Variants in FGF2 observed in about 807,000 individuals in gnomAD.
FGF2 encodes the protein fibroblast growth factor 2.
In FGF2, 13 loss-of-function variants were observed where a neutral mutation model predicts 15.9. The ratio of observed to expected loss-of-function variants is 0.82; its 90% CI spans 0.53 to 1.30. The LOEUF is 1.30. FGF2 is among the 50% of genes most tolerant of loss of function. FGF2 has a pLI of 0.00. For synonymous variants in FGF2, 90 were observed against 78.4 expected (o/e 1.15, Z -0.78); for missense variants, 163 against 196.9 (o/e 0.83, Z 1.03).
intron 1 of FGF2, among the ~76,000 whole-genome samples, chr4:122,843,592 A>T (rs1184699111): frequency 1.2e-4 from 19 of 152,132 alleles, no homozygotes; most frequent in Non-Finnish European, 5.9e-5. Flanking sequence ...AGAAATGTAA[A>T]TCTCTCTCAG....
At chr4:122,838,767 A>T (rs1725917006) in intron 1 of FGF2, among the ~76,000 whole-genome samples, 1 of 152,210 alleles carries the variant, frequency 6.6e-6, no homozygotes, top group African/African-American at 2.4e-5. Context: ...GTCATGATTT[A>T]GTATGAGACA....
chr4:122,896,148 T>C lies in FGF2; in HGVS notation c.*3752T>C, dbSNP rs112821043. ...ACATGACTGAGGCATATATGATCTC[T>C]GGGTAGGTGAGTTGTTGTGACAACC... On this transcript the variant is annotated 3_prime_UTR_variant, in exon 3 of 3. Coordinates refer to ENST00000644866, the MANE Select transcript of FGF2 (RefSeq NM_001361665.2). 37 of 152,556 alleles carry C rather than the reference T, an allele frequency of 2.4e-4. No individual in the cohort carries two copies. Among genetic ancestry groups the C allele is most frequent in the Non-Finnish European group, 4.0e-4 (27 of 67,982 alleles). The allele number at this position is 152,556 out of a possible 1,614,324, so 9.5% of individuals were successfully genotyped here.
At chr4:122,882,172 A>G (rs1726972200) in intron 2 of FGF2, 2 of 152,146 alleles carry the variant, frequency 1.3e-5, no homozygotes, top group African/African-American at 4.8e-5. Context: ...GCACAGCCAA[A>G]CCATATAACC....
chr4:122,861,876 G>A (rs308380), intron 1 of FGF2, among the ~76,000 whole-genome samples: 17,633 of 151,920 alleles, frequency 0.12, 2,538 homozygotes, highest in African/African-American at 0.34. Context: ...TTTTGTTCCC[G>A]TTCTTTCTTT....
intron 1 of FGF2, among the ~76,000 whole-genome samples, chr4:122,873,830 AATGGAAAC>A (rs150569047): frequency 0.062 from 9,433 of 152,232 alleles, 716 homozygotes; most frequent in African/African-American, 0.18. Context: ...ATTATATGCC[AATGGAAAC>A]ACTCTTCAAG....
At chr4:122,854,631 A>G (rs936661976) in intron 1 of FGF2, among the ~76,000 whole-genome samples, 1 of 152,096 alleles carries the variant, frequency 6.6e-6, no homozygotes, top group East Asian at 1.9e-4. Context: ...CCAACTTCCT[A>G]CTAAGTCCAC....
rs1299493726 is a variant in FGF2 at position 122,832,813 on chromosome 4, C to T, written c.178+5461C>T. 2.0e-5 allele frequency among the ~76,000 whole-genome samples: 3 copies of T among 152,138 alleles called. No homozygotes were observed. In the East Asian group the frequency reaches 5.8e-4, roughly 29 times the overall value. ...ATTTTAAGTGTTTCCTTGTTGTATC[C>T]ACTGTTCAGTTAGCTCCTGCTTTCT... is the stretch of plus-strand genomic sequence containing the variant. On this transcript the variant is annotated intron_variant, in intron 1 of 2. Coordinates refer to ENST00000644866, the MANE Select transcript of FGF2 (RefSeq NM_001361665.2).
intron 2 of FGF2, among the ~76,000 whole-genome samples, chr4:122,888,313 A>G (rs558991228): frequency 6.6e-6 from 1 of 152,248 alleles, no homozygotes; most frequent in Non-Finnish European, 1.5e-5. Flanking sequence ...CTGAACCTTC[A>G]TTCTCTCTGC....
At chr4:122,866,074 A>G (rs928540688) in intron 1 of FGF2, among the ~76,000 whole-genome samples, 70 of 152,324 alleles carry the variant, frequency 4.6e-4, no homozygotes, top group African/African-American at 1.6e-3. Context: ...GACAACATCA[A>G]GAAAGTGAAA....
intron 1 of FGF2, among the ~76,000 whole-genome samples, chr4:122,860,972 A>C (rs1441057147): frequency 6.6e-6 from 1 of 152,148 alleles, no homozygotes; most frequent in Non-Finnish European, 1.5e-5. Flanking sequence ...ACTGTTAGAT[A>C]CCTTAGTTTC....
At chr4:122,837,380 C>T (rs532269872) in intron 1 of FGF2, among the ~76,000 whole-genome samples, 4 of 152,110 alleles carry the variant, frequency 2.6e-5, no homozygotes, top group Non-Finnish European at 5.9e-5. Flanking sequence ...GAGATTAAAA[C>T]GGTCAAATAA....
chr4:122,841,139 T>A lies in FGF2; in HGVS notation c.178+13787T>A, dbSNP rs143121477. Among the ~76,000 whole-genome samples the A allele has an allele frequency of 9.9e-3, 1,509 of 152,358 alleles. 19 individuals are homozygous for A. The highest frequency in any genetic ancestry group is 0.015 in the Non-Finnish European group (995 of 68,024). ...CCTTCTGTAAAAGATGTGTATTTTC[T>A]TCAAGAGAGTCTAGAGTTTTTCGTA... is the stretch of plus-strand genomic sequence containing the variant. On this transcript the variant is annotated intron_variant, in intron 1 of 2. Coordinates refer to ENST00000644866, the MANE Select transcript of FGF2 (RefSeq NM_001361665.2).
intron 1 of FGF2, among the ~76,000 whole-genome samples, chr4:122,855,396 G>T (rs1490513460): frequency 6.6e-6 from 1 of 152,180 alleles, no homozygotes; most frequent in Non-Finnish European, 1.5e-5. Context: ...GAATTTTCAA[G>T]AATTGATTTA....
chr4:122,828,418 A>G (rs1466431880), intron 1 of FGF2, among the ~76,000 whole-genome samples: 1 of 152,218 alleles, frequency 6.6e-6, no homozygotes, highest in Non-Finnish European at 1.5e-5. Context: ...GTATGTAAAC[A>G]TGTGTTTTAA....
chr4:122,871,360 G>T (rs535262121), intron 1 of FGF2, among the ~76,000 whole-genome samples: 1 of 152,072 alleles, frequency 6.6e-6, no homozygotes, highest in Non-Finnish European at 1.5e-5. Flanking sequence ...CTGAGTTCAA[G>T]TCCTGAATAT....
At chr4:122,865,684 GATTTCAGTC>G (rs1726560202) in intron 1 of FGF2, among the ~76,000 whole-genome samples, 1 of 152,164 alleles carries the variant, frequency 6.6e-6, no homozygotes. Context: ...TACATCATAT[GATTTCAGTC>G]ATTTCAAATG....
At chr4:122,832,552 C>T (rs1725786088) in intron 1 of FGF2, among the ~76,000 whole-genome samples, 1 of 152,156 alleles carries the variant, frequency 6.6e-6, no homozygotes, top group Non-Finnish European at 1.5e-5. Context: ...CAGCCTGGGG[C>T]ACAAATCTTA....
intron 2 of FGF2, chr4:122,882,582 A>G (rs1382313950): frequency 3.9e-5 from 6 of 152,242 alleles, no homozygotes; most frequent in African/African-American, 1.4e-4. Flanking sequence ...TTCTGATGGA[A>G]CAGATTTCCA....
At chr4:122,836,413 A>C (rs1352735993) in intron 1 of FGF2, among the ~76,000 whole-genome samples, 1 of 151,972 alleles carries the variant, frequency 6.6e-6, no homozygotes, top group Non-Finnish European at 1.5e-5. Context: ...TTTGGGCCTT[A>C]TTTCTTTCAC....
Sources: gnomAD v4.1 joint callset for allele counts (sites outside exome capture counted in the v4.1 genomes callset) on GRCh38, gnomAD v4.1.1 for gene constraint, MANE v1.5 for transcripts, NCBI Gene and HGNC (gene_info 2026-07-23, HGNC 2026-07-21) for gene names.